The following TBC1D14 variants were observed in gnomAD, a reference collection of about 807,000 sequenced individuals.
TBC1D14 encodes TBC1 domain family, member 14.
Under a neutral mutation model 79.0 loss-of-function variants are expected in TBC1D14, and 26 were observed. The ratio of observed to expected loss-of-function variants is 0.33; its 90% confidence interval spans 0.24 to 0.46. The LOEUF (loss-of-function observed/expected upper bound fraction) is 0.46. TBC1D14 is among the 20% of genes least tolerant of loss of function. TBC1D14 has a pLI of 1.00. For missense variants in TBC1D14, 769 were observed against 887.6 expected (o/e 0.87, Z 1.70); for synonymous variants, 394 against 349.9 (o/e 1.13, Z -1.40).
chr4:6,958,706 A>G (rs1474385674), intron 2 of TBC1D14, among the ~76,000 whole-genome samples: 6 of 152,164 alleles, frequency 3.9e-5, no homozygotes, highest in African/African-American at 1.4e-4. Context: ...AAGTGCTGGG[A>G]TTATAGGTGT....
At position 6,967,394 on chromosome 4, in the gene TBC1D14, T is replaced by G; in HGVS notation, c.813T>G (p.Asn271Lys). ...KLFGKAPLRE[N>K]AQKDSKRIQK... is the part of the protein sequence containing the mutation. ...TTGGGAAAGCGCCACTCCGAGAGAA[T>G]GCCCAGAAGGATTCAAAGAGAATAC... Residue 271 changes from asparagine (N) to lysine (K), a missense_variant, in exon 3 of 14, where the codon AAT becomes AAG. Physicochemically the swap from Asn to Lys is moderately conservative, Grantham distance 94 (BLOSUM62 0). This residue lies in a region of TBC1D14 where 402 missense variants were observed against 393.2 expected (regional missense o/e 1.02). Coordinates refer to ENST00000409757, the MANE Select transcript of TBC1D14 (RefSeq NM_020773.3). The G allele has an allele frequency of 6.2e-7, 1 of 1,613,682 alleles. No individual in the cohort carries two copies. The highest frequency in any genetic ancestry group is 2.2e-5 in the East Asian group (1 of 44,866).
chr4:6,965,778 A>C (rs1715649815), intron 2 of TBC1D14, among the ~76,000 whole-genome samples: 1 of 152,164 alleles, frequency 6.6e-6, no homozygotes, highest in Non-Finnish European at 1.5e-5. Flanking sequence ...TGGCCTCCTA[A>C]AGTGCTGAGA....
intron 2 of TBC1D14, among the ~76,000 whole-genome samples, chr4:6,952,265 A>C (rs1714108941): frequency 6.6e-6 from 1 of 152,252 alleles, no homozygotes; most frequent in Admixed American, 6.5e-5. Context: ...TTATGGTTCC[A>C]TAGGTCTGGG....
chr4:6,936,388 A>G (rs66992702), intron 2 of TBC1D14, among the ~76,000 whole-genome samples: 11,334 of 152,302 alleles, frequency 0.074, 577 homozygotes, highest in Middle Eastern at 0.16. Flanking sequence ...CCAGAATGCC[A>G]TACAGGTGGA....
intron 2 of TBC1D14, among the ~76,000 whole-genome samples, chr4:6,952,998 C>G (rs528043499): frequency 6.7e-6 from 1 of 148,976 alleles, no homozygotes; most frequent in Non-Finnish European, 1.5e-5. Context: ...CCCACTGTCA[C>G]GCCTAGCTAA....
chr4:7,027,085 C>T (rs944739221), intron 13 of TBC1D14, among the ~76,000 whole-genome samples: 3 of 151,980 alleles, frequency 2.0e-5, no homozygotes, highest in African/African-American at 7.3e-5. Context: ...TTGGCAGGCT[C>T]CTGCAATCCC....
chr4:7,003,409 G>A (rs1719863265), intron 7 of TBC1D14, among the ~76,000 whole-genome samples: 1 of 152,242 alleles, frequency 6.6e-6, no homozygotes. Flanking sequence ...GCAGGTGGAA[G>A]TGCCACCAGG....
intron 2 of TBC1D14, among the ~76,000 whole-genome samples, chr4:6,949,367 A>G (rs1713799848): frequency 6.6e-6 from 1 of 152,026 alleles, no homozygotes; most frequent in Non-Finnish European, 1.5e-5. Flanking sequence ...GAATTTATAG[A>G]TCAGTGTTTA....
intron 1 of TBC1D14, among the ~76,000 whole-genome samples, chr4:6,921,437 G>A (rs1054779887): frequency 1.4e-4 from 21 of 151,894 alleles, no homozygotes; most frequent in African/African-American, 3.4e-4. Flanking sequence ...GAATTCCTAG[G>A]CCGAAGCGAT....
intron 2 of TBC1D14, among the ~76,000 whole-genome samples, chr4:6,940,813 C>G (rs1047576863): frequency 6.6e-6 from 1 of 152,192 alleles, no homozygotes; most frequent in African/African-American, 2.4e-5. Flanking sequence ...TCCGAGCTGG[C>G]AGCCAGGAGG....
In TBC1D14 at chr4:6,945,088, G is replaced by T. The variant is rs564525137; in HGVS notation, c.722+20977G>T. On this transcript the variant is annotated intron_variant, in intron 2 of 13. Coordinates refer to ENST00000409757, the MANE Select transcript of TBC1D14 (RefSeq NM_020773.3). ...ATATAGAGTCAGGTTCCTGGAGCTG[G>T]TGTGAGAGTGGGAGGTTTGAATCTT... Among the ~76,000 whole-genome samples, 7 of 152,322 alleles carry T rather than the reference G, an allele frequency of 4.6e-5. No homozygotes were observed. In the South Asian group the frequency reaches 1.5e-3, roughly 32 times the overall value.
At chr4:6,940,871 G>A (rs1712839504) in intron 2 of TBC1D14, among the ~76,000 whole-genome samples, 2 of 152,192 alleles carry the variant, frequency 1.3e-5, no homozygotes, top group South Asian at 4.1e-4. Context: ...GCACTTACTA[G>A]GAGGTGTTAG....
chr4:7,014,389 T>C, intron 11 of TBC1D14, 59 bp from the exon 12 acceptor site: 2 of 1,178,268 alleles, frequency 1.7e-6, no homozygotes, highest in Non-Finnish European at 1.2e-6. Context: ...TATTGACTTT[T>C]TTGTAAATTG....
At chr4:6,990,334 A>G (rs1161069598) in intron 3 of TBC1D14, among the ~76,000 whole-genome samples, 1 of 152,212 alleles carries the variant, frequency 6.6e-6, no homozygotes, top group Non-Finnish European at 1.5e-5. Flanking sequence ...TTGTAATCCC[A>G]GCTACTTGGG....
intron 2 of TBC1D14, among the ~76,000 whole-genome samples, chr4:6,937,613 A>G (rs1452144706): frequency 2.6e-5 from 4 of 152,218 alleles, no homozygotes; most frequent in African/African-American, 9.6e-5. Context: ...GGGCCCTGCC[A>G]GGTGATCAGG....
chr4:7,022,343 G>A (rs1308580420), intron 12 of TBC1D14, among the ~76,000 whole-genome samples: 2 of 152,250 alleles, frequency 1.3e-5, no homozygotes, highest in Admixed American at 1.3e-4. Flanking sequence ...AAAAGATGCA[G>A]GATGGTATGC....
At chr4:6,995,812 C>A (rs1381764591) in intron 4 of TBC1D14, 1 of 124,976 alleles carries the variant, frequency 8.0e-6, no homozygotes, top group African/African-American at 3.0e-5. Context: ...GCTCCCAGCC[C>A]ATTCATTTGT....
At chr4:6,943,751 G>C (rs559176476) in intron 2 of TBC1D14, among the ~76,000 whole-genome samples, 1 of 152,344 alleles carries the variant, frequency 6.6e-6, no homozygotes, top group Admixed American at 6.5e-5. Context: ...AGCTTCTGGA[G>C]AGCTGGGGCC....
At chr4:7,020,654 T>C (rs1721734565) in intron 12 of TBC1D14, among the ~76,000 whole-genome samples, 1 of 152,270 alleles carries the variant, frequency 6.6e-6, no homozygotes, top group Non-Finnish European at 1.5e-5. Context: ...AAGCTAGATC[T>C]GCTTTTCCAC....
Sources: gnomAD v4.1 joint callset for allele counts (sites outside exome capture counted in the v4.1 genomes callset) on GRCh38, gnomAD v4.1.1 for gene constraint, gnomAD v4.1.1 regional missense constraint, MANE v1.5 for transcripts, NCBI Gene and HGNC (gene_info 2026-07-23, HGNC 2026-07-21) for gene names.